DEUP1: variants seen among roughly 807,000 people sequenced by gnomAD.
DEUP1 encodes the protein deuterosome assembly protein 1, also known as coiled-coil domain containing 67.
A neutral mutation model predicts 87.4 loss-of-function variants in DEUP1; 82 were observed. The observed-to-expected ratio is 0.94, with a 90% CI of 0.78 to 1.13. The LOEUF is 1.13. Ranked by LOEUF, DEUP1 falls within the 50% of genes most tolerant of loss-of-function variation. The pLI is 0.00. For missense variants in DEUP1, 663 were observed against 681.5 expected, an observed-to-expected ratio of 0.97 and a Z score of 0.30; for synonymous variants, 214 against 222.7, an observed-to-expected ratio of 0.96 and a Z score of 0.35.
intron 7 of DEUP1, among the ~76,000 whole-genome samples, chr11:93,382,428 A>C (rs910127180): frequency 1.6e-4 from 25 of 152,336 alleles, no homozygotes; most frequent in African/African-American, 6.0e-4. Context: ...TTTAACATAT[A>C]TGCTTGTACC....
Position 93,338,922 on chromosome 11 carries a change from G to A in DEUP1, c.29+6634G>A, listed in dbSNP as rs541589702. ...CAGGACTATTTTCATAGATACACTT[G>A]GGGTATTGAGGACTTGCCTTTTTAA... On this transcript the variant is annotated intron_variant, in intron 2 of 13. Transcript: ENST00000298050. Among the ~76,000 whole-genome samples the A allele has an allele frequency of 4.6e-5, 7 of 152,282 alleles. No individual in the cohort carries two copies. In the South Asian group the frequency reaches 1.5e-3, roughly 32 times the overall value.
chr11:93,330,509 GC>G (rs1381003109), upstream of DEUP1: 1 of 152,444 alleles, frequency 6.6e-6, no homozygotes, highest in Non-Finnish European at 1.5e-5. Context: ...ACAGGGCAGC[GC>G]CTGCCGCCGC....
Position 93,394,656 on chromosome 11 carries a change from G to A in DEUP1, c.1239G>A (p.Lys413=). The stretch of plus-strand genomic sequence containing the variant: ...AAGAAAAAATGTTAGCAAAACAAAA[G>A]GTATGCAAGCAGGCAGAATAGCACT... The part of the protein sequence containing the change: ...EIKEKMLAKQ[K]VSDMKYKAVR... Residue 413 remains lysine, a splice_region_variant and synonymous_variant, in exon 10 of 14, where the codon AAG becomes AAA. Transcript: ENST00000298050. 6.2e-6 allele frequency: 10 copies of A among 1,606,960 alleles called. No individual in the cohort carries two copies. The highest frequency in any genetic ancestry group is 8.5e-6 in the Non-Finnish European group (10 of 1,176,374).
chr11:93,381,053 C>T (rs970988445), intron 7 of DEUP1, among the ~76,000 whole-genome samples: 1 of 152,138 alleles, frequency 6.6e-6, no homozygotes, highest in Admixed American at 6.5e-5. Context: ...AGGTAAAAAT[C>T]CTGAATATAT....
chr11:93,359,375 A>G (rs1945055157), intron 4 of DEUP1, among the ~76,000 whole-genome samples: 1 of 152,166 alleles, frequency 6.6e-6, no homozygotes, highest in Non-Finnish European at 1.5e-5. Flanking sequence ...TAACTATTAT[A>G]AAACTATAAT....
chr11:93,362,029 T>C (rs1394094538), intron 4 of DEUP1, among the ~76,000 whole-genome samples: 1 of 152,038 alleles, frequency 6.6e-6, no homozygotes, highest in Non-Finnish European at 1.5e-5. Context: ...AGGAACTAAG[T>C]TGGAGCCCTA....
chr11:93,388,905 C>T (rs16918858), intron 8 of DEUP1, 115 bp from the exon 9 acceptor site: 10,379 of 594,810 alleles, frequency 0.017, 178 homozygotes, highest in East Asian at 0.076. Context: ...AAAAATGTTT[C>T]CAACAAAGTA....
intron 9 of DEUP1, among the ~76,000 whole-genome samples, chr11:93,390,229 G>A (rs547715249): frequency 6.6e-6 from 1 of 152,266 alleles, no homozygotes; most frequent in African/African-American, 2.4e-5. Context: ...TAGAGAATGA[G>A]TTAATATTAA....
intron 13 of DEUP1, among the ~76,000 whole-genome samples, chr11:93,417,015 A>T (rs151208676): frequency 0.83 from 126,524 of 151,634 alleles, 52,910 homozygotes; most frequent in East Asian, 0.91. Context: ...AATTAGGTAT[A>T]CATGGGACGT....
chr11:93,333,401 T>C (rs992483101), intron 2 of DEUP1, among the ~76,000 whole-genome samples: 1 of 152,192 alleles, frequency 6.6e-6, no homozygotes, highest in African/African-American at 2.4e-5. Context: ...ATCATGACTG[T>C]GCTCCTTCCA....
intron 12 of DEUP1, among the ~76,000 whole-genome samples, 183 bp downstream of exon 12, chr11:93,408,610 T>C (rs1306153011): frequency 1.3e-5 from 2 of 152,202 alleles, no homozygotes; most frequent in Non-Finnish European, 2.9e-5. Context: ...ATTGTGTCGA[T>C]TTGAAATGCG....
At chr11:93,343,882 C>G (rs1272228843) in intron 2 of DEUP1, among the ~76,000 whole-genome samples, 1 of 151,796 alleles carries the variant, frequency 6.6e-6, no homozygotes, top group African/African-American at 2.4e-5. Flanking sequence ...TATCCATGTC[C>G]CAACATTAAG....
At chr11:93,415,167 C>G (rs746406686) in intron 13 of DEUP1, 53 bp downstream of exon 13, 5 of 1,043,334 alleles carry the variant, frequency 4.8e-6, no homozygotes, top group Non-Finnish European at 7.4e-6. Flanking sequence ...TTGCTTTACT[C>G]TTACACTGAT....
chr11:93,393,848 A>G (rs950453865), intron 9 of DEUP1, among the ~76,000 whole-genome samples: 2 of 152,224 alleles, frequency 1.3e-5, no homozygotes, highest in Non-Finnish European at 2.9e-5. Flanking sequence ...TTGGGAGGAC[A>G]AGGGTGGAGA....
rs895688096 is a variant in DEUP1, at chr11:93,363,871, C to G, written c.298-289C>G. On this transcript the variant is annotated intron_variant, in intron 4 of 13. Transcript: ENST00000298050. ...ACTTGTTTTTTAAAAAAATTGTGAG[C>G]TTTGCTGCATATGATTAAAACAAAA... Among the ~76,000 whole-genome samples, 5 of 151,952 alleles carry G rather than the reference C, an allele frequency of 3.3e-5. No individual in the cohort carries two copies. The East Asian group carries it at 9.6e-4, about 29-fold the overall frequency.
At chr11:93,431,845 G>A (rs1267420170) in intron 13 of DEUP1, among the ~76,000 whole-genome samples, 1 of 152,106 alleles carries the variant, frequency 6.6e-6, no homozygotes, top group Non-Finnish European at 1.5e-5. Context: ...ATTTCAACCT[G>A]AGCATTGAGT....
intron 7 of DEUP1, among the ~76,000 whole-genome samples, chr11:93,374,200 T>G (rs765642683): frequency 2.7e-4 from 41 of 152,210 alleles, no homozygotes; most frequent in Non-Finnish European, 4.9e-4. Flanking sequence ...GTCAGATGCA[T>G]AGTTTGTGAA....
chr11:93,437,512 C>A, intron 13 of DEUP1, 31 bp from the exon 14 acceptor site: 1 of 1,563,446 alleles, frequency 6.4e-7, no homozygotes, highest in Non-Finnish European at 8.7e-7. Flanking sequence ...CTCTGTATTC[C>A]TCACTCACTT....
rs1239202288 is a variant in DEUP1, at chr11:93,435,824, G to A, written c.1639-1719G>A. On this transcript the variant is annotated intron_variant, in intron 13 of 13. Transcript: ENST00000298050. ...ATCCTGGCTAACATGGTGAAACCCC[G>A]TCTCTACTAAAAATACAAAAAATTA... Among the ~76,000 whole-genome samples, 6 of 152,076 alleles carry A rather than the reference G, an allele frequency of 3.9e-5. No homozygotes were observed. In the East Asian group the frequency reaches 5.8e-4, roughly 15 times the overall value.
Sources: allele counts gnomAD v4.1 joint callset (sites outside exome capture counted in the v4.1 genomes callset), GRCh38; gene constraint gnomAD v4.1.1; transcripts MANE v1.5; gene names NCBI Gene and HGNC (gene_info 2026-07-23, HGNC 2026-07-21).